Variants in MECOM observed in about 807,000 individuals in gnomAD.
The protein encoded by MECOM is histone-lysine N-methyltransferase MECOM.
MECOM carries 13 observed loss-of-function variants against 116.3 expected under a neutral mutation model. The ratio of observed to expected loss-of-function variants is 0.11; its 90% confidence interval spans 0.07 to 0.18. MECOM has a LOEUF of 0.18. Ranked by LOEUF, MECOM falls within the 10% of genes least tolerant of loss-of-function variation. The pLI is 1.00. For missense variants in MECOM, 1,299 were observed against 1,509.0 expected, an observed-to-expected ratio of 0.86 and a Z score of 2.31; for synonymous variants, 528 against 535.2, an observed-to-expected ratio of 0.99 and a Z score of 0.19.
At chr3:169,105,731 TTGA>T (rs746763301) in intron 10 of MECOM, among the ~76,000 whole-genome samples, 2 of 152,126 alleles carry the variant, frequency 1.3e-5, no homozygotes, top group Non-Finnish European at 2.9e-5. Flanking sequence ...TATATAATAG[TTGA>T]TGTTATCTGC....
intron 1 of MECOM, among the ~76,000 whole-genome samples, chr3:169,549,148 A>G (rs1226052705): frequency 6.6e-6 from 1 of 151,898 alleles, no homozygotes; most frequent in Non-Finnish European, 1.5e-5. Flanking sequence ...TAATTATTGT[A>G]TTTTTAGTAG....
intron 2 of MECOM, among the ~76,000 whole-genome samples, chr3:169,185,224 A>G (rs2149406001): frequency 6.6e-6 from 1 of 152,324 alleles, no homozygotes; most frequent in Middle Eastern, 3.4e-3. Context: ...AAGGACAGGA[A>G]GATGAAGGTG....
intron 2 of MECOM, among the ~76,000 whole-genome samples, chr3:169,306,337 G>GA (rs1182558628): frequency 2.0e-5 from 3 of 152,164 alleles, no homozygotes; most frequent in Non-Finnish European, 4.4e-5. Flanking sequence ...TTCAGCAGAT[G>GA]AAAAATGAAA....
At chr3:169,256,010 CA>C (rs561507212) in intron 2 of MECOM, among the ~76,000 whole-genome samples, 138 of 151,922 alleles carry the variant, frequency 9.1e-4, no homozygotes, top group African/African-American at 3.0e-3. Context: ...TAAGTGTTCT[CA>C]AAAAAAATTT....
chr3:169,266,969 G>T (rs75375315), intron 2 of MECOM, among the ~76,000 whole-genome samples: 4,990 of 152,276 alleles, frequency 0.033, 80 homozygotes, highest in East Asian at 0.094. Flanking sequence ...CTTGCAACTA[G>T]GTTCAGTTAA....
intron 2 of MECOM, among the ~76,000 whole-genome samples, chr3:169,266,515 G>A (rs1758325520): frequency 6.6e-6 from 1 of 152,156 alleles, no homozygotes; most frequent in Non-Finnish European, 1.5e-5. Flanking sequence ...ATCAGTATTT[G>A]TTTCCAGGCT....
intron 1 of MECOM, among the ~76,000 whole-genome samples, chr3:169,579,545 C>G (rs16854110): frequency 0.14 from 21,442 of 152,126 alleles, 1,963 homozygotes; most frequent in East Asian, 0.35. Context: ...GCATCAATCA[C>G]AGATTCACAA....
intron 3 of MECOM, chr3:169,133,506 A>G (rs1735420667): frequency 2.0e-5 from 3 of 152,772 alleles, no homozygotes; most frequent in Admixed American, 2.0e-4. Context: ...TTTTCATTCA[A>G]TAGTAGTTGA....
At chr3:169,488,999 A>G (rs1752744867) in intron 1 of MECOM, among the ~76,000 whole-genome samples, 1 of 152,066 alleles carries the variant, frequency 6.6e-6, no homozygotes. Context: ...TGGCATCTGA[A>G]TTAATTTTTT....
At chr3:169,237,602 C>T (rs1754227147) in intron 2 of MECOM, among the ~76,000 whole-genome samples, 1 of 88,142 alleles carries the variant, frequency 1.1e-5, no homozygotes, top group Non-Finnish European at 2.0e-5. Flanking sequence ...ACTGCAATGT[C>T]TCCATCACAA....
chr3:169,483,695 T>C lies in MECOM; in HGVS notation c.38-102171A>G, dbSNP rs949807344. 5.7e-6 allele frequency: 9 copies of C among 1,579,042 alleles called. No individual in the cohort carries two copies. The Admixed American group carries it at 1.5e-4, about 27-fold the overall frequency. ...TTTAATCCTCGTCTTCCTCCTCTTC[T>C]TCGTCCTGGTTAATCTGGAAGTAAC... On this transcript the variant is annotated intron_variant, in intron 1 of 16. Transcript: ENST00000651503.
intron 1 of MECOM, among the ~76,000 whole-genome samples, chr3:169,495,659 G>A (rs535322609): frequency 2.0e-5 from 3 of 152,226 alleles, no homozygotes; most frequent in South Asian, 2.1e-4. Context: ...TTTTCCAAAT[G>A]AGGCTAAATG....
intron 2 of MECOM, among the ~76,000 whole-genome samples, chr3:169,235,995 T>C (rs1754016860): frequency 6.6e-6 from 1 of 152,090 alleles, no homozygotes; most frequent in South Asian, 2.1e-4. Flanking sequence ...TGAATTCTGA[T>C]CTTTTGCTGG....
chr3:169,559,326 A>G (rs996847506), intron 1 of MECOM, among the ~76,000 whole-genome samples: 1 of 152,208 alleles, frequency 6.6e-6, no homozygotes, highest in Admixed American at 6.6e-5. Context: ...GTCTTGGTCA[A>G]ACAATACATT....
chr3:169,601,088 A>G (rs374286014), intron 1 of MECOM, among the ~76,000 whole-genome samples: 1 of 152,212 alleles, frequency 6.6e-6, no homozygotes, highest in African/African-American at 2.4e-5. Flanking sequence ...AATTACATGT[A>G]CCATGAAAGC....
intron 1 of MECOM, among the ~76,000 whole-genome samples, chr3:169,571,782 T>G (rs899663183): frequency 3.9e-5 from 6 of 152,176 alleles, no homozygotes; most frequent in Admixed American, 3.9e-4. Flanking sequence ...GAAAACTGGC[T>G]AGCCGTGCAG....
intron 1 of MECOM, chr3:169,472,882 A>C (rs1749781016): frequency 1.5e-6 from 1 of 685,564 alleles, no homozygotes. Context: ...ACTGCTTACT[A>C]TTGTGGTAAG....
chr3:169,305,218 T>C lies in MECOM; in HGVS notation c.375+75969A>G, dbSNP rs759331901. ...CTCTGAGAAGGAGCTACTTAATTCATAATATAATCATATTCAGTGAAGTTA... is the reference window on the plus strand; with the variant it reads ...CTCTGAGAAGGAGCTACTTAATTCACAATATAATCATATTCAGTGAAGTTA... On this transcript the variant is annotated intron_variant, in intron 2 of 16. Transcript: ENST00000651503. Among the ~76,000 whole-genome samples, 4 of 152,274 alleles carry C rather than the reference T, an allele frequency of 2.6e-5. 1 individual carries two copies. In the East Asian group the frequency reaches 5.8e-4, roughly 22 times the overall value.
chr3:169,596,731 T>C (rs562199243), intron 1 of MECOM, among the ~76,000 whole-genome samples: 1 of 152,192 alleles, frequency 6.6e-6, no homozygotes, highest in South Asian at 2.1e-4. Flanking sequence ...GACTGTTCCA[T>C]AGAATTAGTG....
Sources: allele counts gnomAD v4.1 joint callset (sites outside exome capture counted in the v4.1 genomes callset), GRCh38; gene constraint gnomAD v4.1.1; transcripts MANE v1.5; gene names NCBI Gene and HGNC (gene_info 2026-07-23, HGNC 2026-07-21).